The following ERC2 variants were observed in gnomAD, a reference collection of about 807,000 sequenced individuals.
The protein encoded by ERC2 is ERC protein 2.
In ERC2, 42 loss-of-function variants were observed where a neutral mutation model predicts 114.8. That is an observed-to-expected ratio of 0.37 (90% CI 0.29 to 0.47). The LOEUF (loss-of-function observed/expected upper bound fraction) is 0.47. Ranked by LOEUF, ERC2 falls within the 20% of genes least tolerant of loss-of-function variation. The pLI, the probability that ERC2 is intolerant of heterozygous loss-of-function variation, is 0.99. For missense variants in ERC2, 939 were observed against 1,150.7 expected (o/e 0.82, Z 2.66); for synonymous variants, 454 against 425.5 (o/e 1.07, Z -0.82).
intron 12 of ERC2, among the ~76,000 whole-genome samples, chr3:55,973,557 C>T (rs529156849): frequency 6.6e-6 from 1 of 152,312 alleles, no homozygotes; most frequent in South Asian, 2.1e-4. Flanking sequence ...CCACATGCCC[C>T]TTGCTCTTGA....
chr3:55,642,373 C>T (rs1405940704), intron 17 of ERC2, among the ~76,000 whole-genome samples: 9 of 138,866 alleles, frequency 6.5e-5, no homozygotes, highest in Non-Finnish European at 9.1e-5. Flanking sequence ...CTTGCTCTGT[C>T]GCCCAGGCTG....
intron 2 of ERC2, among the ~76,000 whole-genome samples, chr3:56,351,957 G>A (rs1576552976): frequency 3.9e-5 from 6 of 152,282 alleles, no homozygotes; most frequent in Admixed American, 3.9e-4. Context: ...GATACAGGGA[G>A]TAGAGGAAGG....
At chr3:56,187,568 C>T (rs2150060559) in intron 3 of ERC2, among the ~76,000 whole-genome samples, 1 of 152,226 alleles carries the variant, frequency 6.6e-6, no homozygotes. Context: ...ATTAATTAAG[C>T]ATCTACTATT....
chr3:56,071,894 G>A (rs2076757780), intron 7 of ERC2, among the ~76,000 whole-genome samples: 1 of 152,156 alleles, frequency 6.6e-6, no homozygotes, highest in South Asian at 2.1e-4. Flanking sequence ...ATCATTCATT[G>A]GAGCAAAATG....
chr3:55,676,363 A>T (rs2148755042), intron 17 of ERC2, among the ~76,000 whole-genome samples: 1 of 151,990 alleles, frequency 6.6e-6, no homozygotes, highest in Admixed American at 6.6e-5. Flanking sequence ...AGTGCTAACT[A>T]CCAAAGGCAC....
chr3:56,393,040 A>C (rs2060185418), intron 2 of ERC2, among the ~76,000 whole-genome samples: 1 of 152,096 alleles, frequency 6.6e-6, no homozygotes, highest in South Asian at 2.1e-4. Context: ...CTTAGCCTAG[A>C]ATGTTTTGTA....
At chr3:55,549,790 G>A (rs994086394) in intron 17 of ERC2, among the ~76,000 whole-genome samples, 15 of 152,112 alleles carry the variant, frequency 9.9e-5, no homozygotes, top group Non-Finnish European at 1.8e-4. Flanking sequence ...TGTCCTCAGC[G>A]AGCTTTGCAG....
At chr3:55,899,694 C>T (rs1413601254) in intron 13 of ERC2, among the ~76,000 whole-genome samples, 1 of 152,152 alleles carries the variant, frequency 6.6e-6, no homozygotes, top group East Asian at 1.9e-4. Flanking sequence ...AGATACAATA[C>T]AATCTCAACT....
At chr3:56,025,370 G>C (rs1027346412) in intron 7 of ERC2, among the ~76,000 whole-genome samples, 1 of 152,172 alleles carries the variant, frequency 6.6e-6, no homozygotes, top group African/African-American at 2.4e-5. Context: ...TTTTTCTGCT[G>C]AGGGTCTCAC....
At chr3:55,950,586 T>G in intron 12 of ERC2, 26 bp from the exon 13 acceptor site, 2 of 1,613,484 alleles carry the variant, frequency 1.2e-6, no homozygotes, top group South Asian at 2.2e-5. Flanking sequence ...ACAGCTTGGT[T>G]AAATTCTACC....
chr3:55,942,374 C>T (rs1242396425), intron 13 of ERC2, among the ~76,000 whole-genome samples: 9 of 145,510 alleles, frequency 6.2e-5, no homozygotes, highest in Non-Finnish European at 1.2e-4. Context: ...CTGCAAGCTC[C>T]GCCTCCCGGG....
Position 56,410,249 on chromosome 3 carries a change from T to C in ERC2, c.657+24102A>G, listed in dbSNP as rs575733313. Among the ~76,000 whole-genome samples, 16 of 152,334 alleles carry C rather than the reference T, an allele frequency of 1.1e-4. No individual in the cohort carries two copies. The East Asian group carries it at 3.1e-3, about 29-fold the overall frequency. ...GATCTTAATTTATGTCCCTGTGATA[T>C]AAAACATAAATTTAGTAAGTGAACT... On this transcript the variant is annotated intron_variant, in intron 2 of 17. Coordinates refer to ENST00000288221, the MANE Select transcript of ERC2 (RefSeq NM_015576.3).
chr3:55,832,953 T>A (rs553462408), intron 14 of ERC2, among the ~76,000 whole-genome samples: 2 of 151,658 alleles, frequency 1.3e-5, no homozygotes, highest in Non-Finnish European at 2.9e-5. Flanking sequence ...GAGAACTACA[T>A]GAAGAATGTA....
chr3:56,249,281 C>G (rs915103537), intron 3 of ERC2, among the ~76,000 whole-genome samples: 1 of 152,068 alleles, frequency 6.6e-6, no homozygotes, highest in African/African-American at 2.4e-5. Context: ...GCATGAGAGA[C>G]CTGTTTGCAG....
rs922164751 is a variant in ERC2, at chr3:55,570,310, C to T, written c.*40-59034G>A. Among the ~76,000 whole-genome samples, 4 of 152,146 alleles carry T rather than the reference C, an allele frequency of 2.6e-5. No homozygotes were observed. The South Asian group carries it at 6.2e-4, about 24-fold the overall frequency. ...CAGTCATAGGCAGGGTAGGGCAGCA[C>T]GAGAGGCTGTGCTGAACGCTGGAAA... On this transcript the variant is annotated intron_variant, in intron 17 of 17. Transcript: ENST00000288221.
At chr3:55,898,414 G>A (rs937689938) in intron 13 of ERC2, among the ~76,000 whole-genome samples, 7 of 152,160 alleles carry the variant, frequency 4.6e-5, no homozygotes, top group African/African-American at 1.7e-4. Flanking sequence ...GATAGTAAAG[G>A]ATGTGGACTC....
At chr3:55,988,042 G>A (rs2070768682) in intron 11 of ERC2, among the ~76,000 whole-genome samples, 1 of 152,168 alleles carries the variant, frequency 6.6e-6, no homozygotes, top group Non-Finnish European at 1.5e-5. Context: ...GAGAAATATA[G>A]TGGCAGCAGG....
At chr3:55,610,065 A>C (rs2058827400) in intron 17 of ERC2, among the ~76,000 whole-genome samples, 1 of 27,058 alleles carries the variant, frequency 3.7e-5, no homozygotes, top group Non-Finnish European at 6.5e-5. Context: ...AAACACAAAC[A>C]AAAAAAAAAA....
intron 13 of ERC2, among the ~76,000 whole-genome samples, chr3:55,924,900 A>C (rs1006957988): frequency 6.6e-6 from 1 of 152,152 alleles, no homozygotes; most frequent in Non-Finnish European, 1.5e-5. Flanking sequence ...GCTTGATCTG[A>C]CTAGGGGCCA....
Sources: allele counts gnomAD v4.1 joint callset (sites outside exome capture counted in the v4.1 genomes callset), GRCh38; gene constraint gnomAD v4.1.1; transcripts MANE v1.5; gene names NCBI Gene and HGNC (gene_info 2026-07-23, HGNC 2026-07-21).